ARMH4: variants seen among roughly 807,000 people sequenced by gnomAD.
ARMH4 encodes armadillo-like helical domain-containing protein 4.
ARMH4 carries 49 observed loss-of-function variants against 61.9 expected under a neutral mutation model. The observed-to-expected ratio is 0.79, with a 90% CI of 0.63 to 1.00. The LOEUF is 1.00. Ranked by LOEUF, ARMH4 falls within the 50% of genes least tolerant of loss-of-function variation. ARMH4 has a pLI of 0.00. For synonymous variants in ARMH4, 368 were observed against 341.5 expected, an observed-to-expected ratio of 1.08 and a Z score of -0.85; for missense variants, 934 against 930.0, an observed-to-expected ratio of 1.00 and a Z score of -0.06.
chr14:58,132,752 A>AT (rs1331731766), intron 3 of ARMH4, among the ~76,000 whole-genome samples: 10 of 151,508 alleles, frequency 6.6e-5, no homozygotes, highest in Non-Finnish European at 1.0e-4. Context: ...CGCCTGGGTA[A>AT]TTTTTTGTAT....
intron 5 of ARMH4, among the ~76,000 whole-genome samples, chr14:58,042,324 C>G (rs1883752036): frequency 6.6e-6 from 1 of 152,210 alleles, no homozygotes; most frequent in Non-Finnish European, 1.5e-5. Context: ...TACATGGAAA[C>G]TGAACAAACT....
intron 4 of ARMH4, among the ~76,000 whole-genome samples, chr14:58,122,467 G>A (rs769554246): frequency 2.0e-5 from 3 of 152,060 alleles, no homozygotes; most frequent in Non-Finnish European, 2.9e-5. Context: ...TAATCTTAAA[G>A]GATAAGTTTA....
At chr14:58,119,617 T>C (rs1037502762) in intron 4 of ARMH4, among the ~76,000 whole-genome samples, 1 of 152,184 alleles carries the variant, frequency 6.6e-6, no homozygotes, top group African/African-American at 2.4e-5. Context: ...GTGCCCAGAT[T>C]AAACAGTCAG....
intron 2 of ARMH4, among the ~76,000 whole-genome samples, chr14:58,137,617 C>T (rs578014816): frequency 2.0e-5 from 3 of 152,224 alleles, no homozygotes; most frequent in African/African-American, 7.2e-5. Flanking sequence ...AGGCTGGTCT[C>T]GAACTCCTGA....
At chr14:58,014,028 AAAAG>A (rs34882144) in intron 5 of ARMH4, among the ~76,000 whole-genome samples, 9 of 150,222 alleles carry the variant, frequency 6.0e-5, no homozygotes, top group East Asian at 2.0e-4. Context: ...CATCTCAAAA[AAAAG>A]AAAGAAAGAA....
intron 2 of ARMH4, among the ~76,000 whole-genome samples, chr14:58,134,372 A>G (rs1481787446): frequency 1.3e-5 from 2 of 152,162 alleles, no homozygotes; most frequent in African/African-American, 4.8e-5. Context: ...TAATTCCCTC[A>G]AATACAGTAT....
chr14:58,041,249 G>A (rs542631712), intron 5 of ARMH4, among the ~76,000 whole-genome samples: 4 of 152,132 alleles, frequency 2.6e-5, no homozygotes, highest in Admixed American at 6.5e-5. Context: ...CTGGAAAATC[G>A]AGTCACTCCC....
chr14:58,035,531 G>A (rs1883448325), intron 5 of ARMH4, among the ~76,000 whole-genome samples: 2 of 69,824 alleles, frequency 2.9e-5, no homozygotes, highest in African/African-American at 6.3e-5. Flanking sequence ...CTAGCAGAAG[G>A]CAAGAAATAA....
Position 58,138,527 on chromosome 14 carries a change from C to G in ARMH4, c.832G>C (p.Glu278Gln). 1 of 1,614,200 alleles carries G rather than the reference C, an allele frequency of 6.2e-7. No homozygotes were observed. Among genetic ancestry groups the G allele is most frequent in the South Asian group, 1.1e-5 (1 of 91,074 alleles). ...TCTGGCTCAACACTCAGGGTGTACT[C>G]GGAAGTTTCGAGTGGTTGCTTGGTG... Reference protein sequence around the residue: ...AATKQPLETSEYTLSVEPETD... With the variant: ...AATKQPLETSQYTLSVEPETD... The change falls in exon 2 of 8, where the codon GAG becomes CAG. Residue 278 changes from glutamate to glutamine, a missense_variant. Coordinates refer to ENST00000267485, the MANE Select transcript of ARMH4 (RefSeq NM_001001872.4).
Position 58,104,634 on chromosome 14 carries a change from T to A in ARMH4, c.1832-7653A>T, listed in dbSNP as rs151018366. Among the ~76,000 whole-genome samples, 1,323 of 152,312 alleles carry A rather than the reference T, an allele frequency of 8.7e-3. 23 individuals are homozygous for A. Among genetic ancestry groups the A allele is most frequent in the African/African-American group, 0.03 (1,260 of 41,570 alleles). On this transcript the variant is annotated intron_variant, in intron 4 of 7. Transcript: ENST00000267485. Reference sequence around the variant, plus strand: ...CCCTGCTTCAATTACCAATAGAACCTACTATTACAGATCAGTAACAAAAAA... The same window carrying A: ...CCCTGCTTCAATTACCAATAGAACCAACTATTACAGATCAGTAACAAAAAA...
At chr14:58,102,795 G>A (rs1367583638) in intron 4 of ARMH4, among the ~76,000 whole-genome samples, 3 of 134,270 alleles carry the variant, frequency 2.2e-5, no homozygotes, top group African/African-American at 8.5e-5. Flanking sequence ...TCCGGCCTGG[G>A]CGACAGAGCG....
At chr14:58,053,258 C>T (rs1479013330) in intron 5 of ARMH4, among the ~76,000 whole-genome samples, 5 of 152,234 alleles carry the variant, frequency 3.3e-5, no homozygotes, top group Admixed American at 2.6e-4. Context: ...AGAACATTAG[C>T]ATATGTGCTA....
chr14:58,141,658 G>A, intron 1 of ARMH4: 1 of 385,310 alleles, frequency 2.6e-6, no homozygotes, highest in Non-Finnish European at 4.9e-6. Flanking sequence ...CAGGAAGAAG[G>A]TCAAATAAGG....
chr14:58,110,086 G>A (rs1289695213), intron 4 of ARMH4, among the ~76,000 whole-genome samples: 1 of 152,124 alleles, frequency 6.6e-6, no homozygotes, highest in Admixed American at 6.5e-5. Flanking sequence ...CGACACATGG[G>A]GGATTACAAT....
chr14:58,016,632 A>G (rs1375148650), intron 5 of ARMH4, among the ~76,000 whole-genome samples: 1 of 152,242 alleles, frequency 6.6e-6, no homozygotes, highest in African/African-American at 2.4e-5. Flanking sequence ...TTGACAGTAG[A>G]TTGCTGATAG....
rs569400079 is a variant in ARMH4, at chr14:58,005,519, C to T, written c.2122-337G>A. Among the ~76,000 whole-genome samples the T allele has an allele frequency of 8.5e-5, 13 of 152,240 alleles. No homozygotes were observed. In the South Asian group the frequency reaches 2.7e-3, roughly 32 times the overall value. On this transcript the variant is annotated intron_variant, in intron 6 of 7. Transcript: ENST00000267485. ...TATTAAAGATGGATGAAGTAAGCCT[C>T]TGAGAATGCCAGGACTACTAAAATG...
At chr14:58,023,378 C>T (rs1007348967) in intron 5 of ARMH4, among the ~76,000 whole-genome samples, 1 of 152,160 alleles carries the variant, frequency 6.6e-6, no homozygotes, top group Non-Finnish European at 1.5e-5. Flanking sequence ...CAAGAAACCA[C>T]TTTCTTTGCT....
At chr14:58,017,990 T>A (rs1044199196) in intron 5 of ARMH4, among the ~76,000 whole-genome samples, 3 of 152,184 alleles carry the variant, frequency 2.0e-5, no homozygotes, top group Admixed American at 2.0e-4. Context: ...ATCAATTGAT[T>A]TTCAACAAAG....
In ARMH4 at chr14:58,005,086, G is replaced by A. The variant is rs146935912; in HGVS notation, c.2218C>T (p.Arg740Cys). The part of the protein sequence containing the change: ...GALYSIKVMN[R>C]RRRNGFKRHK... ...CTTTTGAAGCCATTTCTCCTTCGGC[G>A]ATTCATAACCTTAATGCTGTAGAGG... The change falls in exon 7 of 8, where the codon CGC becomes TGC. Residue 740 changes from arginine (R) to cysteine (C), a missense_variant. Arg to Cys is a radical substitution (Grantham distance 180). Transcript: ENST00000267485. 678 of 1,613,984 alleles carry A rather than the reference G, an allele frequency of 4.2e-4. 1 individual carries two copies. The African/African-American group carries it at 6.1e-3, about 14-fold the overall frequency.
Sources: gnomAD v4.1 joint callset for allele counts (sites outside exome capture counted in the v4.1 genomes callset) on GRCh38, gnomAD v4.1.1 for gene constraint, MANE v1.5 for transcripts, NCBI Gene and HGNC (gene_info 2026-07-23, HGNC 2026-07-21) for gene names.